CDH3: variants seen among roughly 807,000 people sequenced by gnomAD.
CDH3 encodes cadherin-3.
Under a neutral mutation model 82.0 loss-of-function variants are expected in CDH3, and 54 were observed. That is an observed-to-expected ratio of 0.66 (90% CI 0.53 to 0.83). The LOEUF is 0.83. Among genes scored for constraint, CDH3 ranks in the 40% least tolerant of loss-of-function variants. The pLI is 0.00. For synonymous variants in CDH3, 446 were observed against 437.9 expected (o/e 1.02, Z -0.23); for missense variants, 1,054 against 1,084.6 (o/e 0.97, Z 0.40).
chr16:68,708,379 G>A (rs1374538330), intron 1 of CDH3, among the ~76,000 whole-genome samples: 1 of 144,538 alleles, frequency 6.9e-6, no homozygotes, highest in Non-Finnish European at 1.5e-5. Flanking sequence ...CAGTTACCAT[G>A]TGCCAGGTAA....
intron 2 of CDH3, among the ~76,000 whole-genome samples, chr16:68,667,130 T>C (rs1960755100): frequency 6.6e-6 from 1 of 152,204 alleles, no homozygotes; most frequent in African/African-American, 2.4e-5. Context: ...ATTTCTTAGT[T>C]GGTGAACTTT....
At position 68,684,886 on chromosome 16, in the gene CDH3, T is replaced by C. The variant is rs552201729; in HGVS notation, c.1424+62T>C. ...GGTACAGTTGGTGGGTGGGTGATCATGGCCAACGTTTGTTCTGATTACCAT... is the reference window on the plus strand; with the variant it reads ...GGTACAGTTGGTGGGTGGGTGATCACGGCCAACGTTTGTTCTGATTACCAT... On this transcript the variant is annotated intron_variant, in intron 10 of 15. Coordinates refer to ENST00000264012, the MANE Select transcript of CDH3 (RefSeq NM_001793.6). 1.9e-6 allele frequency: 3 copies of C among 1,596,686 alleles called. No homozygotes were observed. The African/African-American group carries it at 4.0e-5, about 21-fold the overall frequency.
chr16:68,685,674 G>A (rs1264580542), intron 11 of CDH3, among the ~76,000 whole-genome samples: 2 of 152,038 alleles, frequency 1.3e-5, no homozygotes, highest in Non-Finnish European at 2.9e-5. Flanking sequence ...GGGTGTGGTG[G>A]TGTGCACCTG....
rs760369421 is a variant in CDH3, at chr16:68,676,479, C to G, written c.246+9C>G. On this transcript the variant is annotated intron_variant, in intron 3 of 15. Coordinates refer to ENST00000264012, the MANE Select transcript of CDH3 (RefSeq NM_001793.6). The stretch of plus-strand genomic sequence containing the variant: ...ATGGCGAGACAGTCCAGGTAAAATA[C>G]CATGTCCACCTGCAGGACAAAAGAA... The G allele has an allele frequency of 1.3e-6, 2 of 1,591,490 alleles. No individual in the cohort carries two copies. Among genetic ancestry groups the G allele is most frequent in the Non-Finnish European group, 1.7e-6 (2 of 1,159,396 alleles).
At chr16:68,698,060 G>C (rs185584399) in intron 15 of CDH3, 131 bp from the exon 16 acceptor site, 15 of 820,882 alleles carry the variant, frequency 1.8e-5, no homozygotes, top group Non-Finnish European at 2.9e-5. Context: ...CATGAATAAC[G>C]CATTCTTTCA....
chr16:68,687,524 C>T lies in CDH3; in HGVS notation c.1583C>T (p.Thr528Ile), dbSNP rs1349184649. Residue 528 changes from threonine to isoleucine, a missense_variant, in exon 12 of 16, where the codon ACC becomes ATC. Thr to Ile is a moderately conservative substitution (Grantham distance 89, BLOSUM62 -1). Coordinates refer to ENST00000264012, the MANE Select transcript of CDH3 (RefSeq NM_001793.6). ...VLAMDNGSPP[T>I]TGTGTLLLTL... ...TCATTACAAACAGGAAGCCCTCCCA[C>T]CACTGGCACGGGAACCCTTCTGCTA... 1.2e-6 allele frequency: 2 copies of T among 1,614,084 alleles called. No homozygotes were observed. The highest frequency in any genetic ancestry group is 3.3e-5 in the Admixed American group (2 of 60,018).
downstream of CDH3, among the ~76,000 whole-genome samples, chr16:68,704,300 A>G (rs1961934177): frequency 6.6e-6 from 1 of 152,020 alleles, no homozygotes; most frequent in Non-Finnish European, 1.5e-5. Flanking sequence ...AAAAAAAAAA[A>G]AGGGTTAATA....
intron 2 of CDH3, chr16:68,646,018 C>T (rs1211313272): frequency 5.9e-6 from 3 of 507,168 alleles, no homozygotes; most frequent in East Asian, 3.5e-5. Context: ...GGCTGAGCCC[C>T]TCACCCAGTC....
chr16:68,665,263 C>T (rs1300963869), intron 2 of CDH3, among the ~76,000 whole-genome samples: 2 of 152,002 alleles, frequency 1.3e-5, no homozygotes, highest in African/African-American at 2.4e-5. Flanking sequence ...AAAAAATTAG[C>T]CGGGTGTGGT....
At chr16:68,663,091 C>T (rs1392135332) in intron 2 of CDH3, among the ~76,000 whole-genome samples, 1 of 151,578 alleles carries the variant, frequency 6.6e-6, no homozygotes, top group Non-Finnish European at 1.5e-5. Flanking sequence ...GTCTCAAACT[C>T]CTGACCTCAT....
intron 6 of CDH3, 143 bp downstream of exon 6, chr16:68,679,049 C>T: frequency 1.2e-6 from 1 of 830,582 alleles, no homozygotes; most frequent in South Asian, 1.7e-5. Flanking sequence ...CCTTCCATCC[C>T]AAGGTTCCTG....
intron 1 of CDH3, among the ~76,000 whole-genome samples, chr16:68,719,725 T>C (rs1265099558): frequency 6.6e-6 from 1 of 152,008 alleles, no homozygotes; most frequent in African/African-American, 2.4e-5. Context: ...GATCTCAAAC[T>C]CCTGACCTCG....
intron 1 of CDH3, among the ~76,000 whole-genome samples, chr16:68,711,649 T>A (rs1369803392): frequency 6.6e-6 from 1 of 151,928 alleles, no homozygotes. Flanking sequence ...AAAGGGGAAG[T>A]GGTGGTCCCG....
Position 68,684,450 on chromosome 16 carries a change from A to G in CDH3, c.1183-133A>G. 3.0e-6 allele frequency: 3 copies of G among 1,001,956 alleles called. No individual in the cohort carries two copies. The African/African-American group carries it at 4.8e-5, about 16-fold the overall frequency. The allele number at this position is 1,001,956 out of a possible 1,614,324, so 62.1% of individuals were successfully genotyped here. On this transcript the variant is annotated intron_variant, in intron 9 of 15. Transcript: ENST00000264012. ...ACACGGGAGTGTTTATGTTACAGAG[A>G]AAGGGCAGCACTGTTGCTAGTGAGG...
In CDH3 at chr16:68,699,890, C is replaced by T. The variant is rs1961862093; in HGVS notation, c.*1490C>T. 1 of 152,150 alleles carries T rather than the reference C, an allele frequency of 6.6e-6. No homozygotes were observed. The highest frequency in any genetic ancestry group is 1.5e-5 in the Non-Finnish European group (1 of 68,032). 9.4% of individuals were successfully genotyped at this position (152,150 alleles called of 1,614,324 possible). On this transcript the variant is annotated 3_prime_UTR_variant, in exon 16 of 16. Transcript: ENST00000264012. ...AGTGAATTAATATCTGGCACATGGT[C>T]CATGCAATCTGTTAGTTGGTAACAG...
At chr16:68,709,576 A>C (rs1962003504) in intron 1 of CDH3, among the ~76,000 whole-genome samples, 1 of 152,108 alleles carries the variant, frequency 6.6e-6, no homozygotes, top group Non-Finnish European at 1.5e-5. Flanking sequence ...CTACTACCTA[A>C]GCCTCCCAAG....
intron 1 of CDH3, among the ~76,000 whole-genome samples, chr16:68,721,392 T>C (rs1962163176): frequency 6.6e-6 from 1 of 151,694 alleles, no homozygotes; most frequent in African/African-American, 2.4e-5. Flanking sequence ...TGCCACCAGG[T>C]CTGGCTAATT....
chr16:68,690,697 A>G (rs1306573930), intron 12 of CDH3, among the ~76,000 whole-genome samples: 1 of 152,192 alleles, frequency 6.6e-6, no homozygotes, highest in African/African-American at 2.4e-5. Context: ...TCACGAGGTC[A>G]GGAGTTTGAG....
At chr16:68,705,729 A>G (rs553995525) in intron 1 of CDH3, among the ~76,000 whole-genome samples, 1 of 148,956 alleles carries the variant, frequency 6.7e-6, no homozygotes, top group Non-Finnish European at 1.5e-5. Context: ...GCCCCAAGAC[A>G]CTGTTCTTGG....
Sources: allele counts gnomAD v4.1 joint callset (sites outside exome capture counted in the v4.1 genomes callset), GRCh38; gene constraint gnomAD v4.1.1; transcripts MANE v1.5; gene names NCBI Gene and HGNC (gene_info 2026-07-23, HGNC 2026-07-21).